LRIG3: variants seen among roughly 807,000 people sequenced by gnomAD.
LRIG3 encodes the protein leucine rich repeats and immunoglobulin like domains 3.
Under a neutral mutation model 114.5 loss-of-function variants are expected in LRIG3, and 76 were observed. That is an observed-to-expected ratio of 0.66 (90% confidence interval 0.55 to 0.80). The LOEUF (loss-of-function observed/expected upper bound fraction) is 0.80, where lower values mean the gene tolerates loss of function less well. Ranked by LOEUF, LRIG3 falls within the 30% of genes least tolerant of loss-of-function variation. The probability of loss-of-function intolerance (pLI) is 0.00; values close to 1 mark genes in which losing one functional copy is unlikely to be tolerated. For synonymous variants in LRIG3, 512 were observed against 519.8 expected (o/e 0.98, Z 0.20); for missense variants, 1,239 against 1,382.8 (o/e 0.90, Z 1.65).
Position 58,888,415 on chromosome 12 carries a change from C to T in LRIG3, c.861G>A (p.Leu287=), listed in dbSNP as rs1565617022. Residue 287 remains leucine (L), a synonymous_variant, in exon 7 of 19, where the codon CTG becomes CTA. Transcript: ENST00000320743. ...EITKGWLYGL[L]MLQELHLSQN... ...GGCTGAGATGAAGTTCCTGCAGCAT[C>T]AGCAAGCCGTAAAGCCAGCCTTTGG... is the stretch of plus-strand genomic sequence containing the variant. The T allele has an allele frequency of 6.2e-7, 1 of 1,613,724 alleles. No homozygotes were observed. The highest frequency in any genetic ancestry group is 8.5e-7 in the Non-Finnish European group (1 of 1,179,850).
At position 58,902,860 on chromosome 12, in the gene LRIG3, A is replaced by G. The variant is rs190806594; in HGVS notation, c.383+11122T>C. Among the ~76,000 whole-genome samples, 36 of 152,002 alleles carry G rather than the reference A, an allele frequency of 2.4e-4. No homozygotes were observed. In the East Asian group the frequency reaches 3.9e-3, roughly 16 times the overall value. On this transcript the variant is annotated intron_variant, in intron 3 of 18. Coordinates refer to ENST00000320743, the MANE Select transcript of LRIG3 (RefSeq NM_153377.5). The stretch of plus-strand genomic sequence containing the variant: ...TTGTGATAGTTTACTGAGAATGATG[A>G]TTTCCAATTTCATCCATGTCCCTAC...
At chr12:58,899,316 A>G (rs922208742) in intron 3 of LRIG3, among the ~76,000 whole-genome samples, 2 of 152,184 alleles carry the variant, frequency 1.3e-5, no homozygotes, top group Non-Finnish European at 2.9e-5. Context: ...TGTATCTTTC[A>G]TAGTTTTCTC....
chr12:58,882,944 T>G lies in LRIG3; in HGVS notation c.1405A>C (p.Asn469His). The G allele has an allele frequency of 6.2e-7, 1 of 1,614,158 alleles. No individual in the cohort carries two copies. The highest frequency in any genetic ancestry group is 8.5e-7 in the Non-Finnish European group (1 of 1,180,010). The change falls in exon 12 of 19, where the codon AAT becomes CAT. Residue 469 changes from asparagine to histidine, a missense_variant. By Grantham distance (68) the Asn-to-His change is moderately conservative. Transcript: ENST00000320743. ...AGCTGAGGATGGGCACAACTGGCAT[T>G]TACAAAGCTCTGAAAGTTGTTTTCC... The part of the protein sequence containing the change: ...VAENNFQSFV[N>H]ASCAHPQLLK...
At chr12:58,919,922 AC>A in intron 1 of LRIG3, 77 bp downstream of exon 1, 1 of 1,370,310 alleles carries the variant, frequency 7.3e-7, no homozygotes, top group Non-Finnish European at 1.0e-6. Context: ...TGCACGCCGA[AC>A]CCCATTCCCC....
At position 58,877,448 on chromosome 12, in the gene LRIG3, T is replaced by C. The variant is rs754245013; in HGVS notation, c.2488A>G (p.Ile830Val). The C allele has an allele frequency of 6.2e-7, 1 of 1,614,038 alleles. No homozygotes were observed. The highest frequency in any genetic ancestry group is 1.3e-5 in the African/African-American group (1 of 74,920). Residue 830 changes from isoleucine to valine, a missense_variant, in exon 15 of 19, where the codon ATA becomes GTA. Coordinates refer to ENST00000320743, the MANE Select transcript of LRIG3 (RefSeq NM_153377.5). ...VGTSLVWVVI[I>V]YHTRRRNEDC... is the part of the protein sequence containing the mutation. ...TCATTCCTCCGCCTTGTGTGGTATATGATGACCACCCACACGAGTGACGTG... is the reference window on the plus strand; with the variant it reads ...TCATTCCTCCGCCTTGTGTGGTATACGATGACCACCCACACGAGTGACGTG...
At chr12:58,885,167 G>C (rs1871236240) in intron 10 of LRIG3, among the ~76,000 whole-genome samples, 1 of 152,148 alleles carries the variant, frequency 6.6e-6, no homozygotes, top group Non-Finnish European at 1.5e-5. Context: ...GTTGCGTCCT[G>C]CTTCTGACAG....
chr12:58,902,031 G>C (rs1871870956), intron 3 of LRIG3, among the ~76,000 whole-genome samples: 1 of 152,188 alleles, frequency 6.6e-6, no homozygotes, highest in South Asian at 2.1e-4. Flanking sequence ...ATAGCAAGCT[G>C]TTCCTAACTC....
At chr12:58,889,246 A>T (rs1871372862) in intron 5 of LRIG3, among the ~76,000 whole-genome samples, 1 of 152,202 alleles carries the variant, frequency 6.6e-6, no homozygotes, top group Non-Finnish European at 1.5e-5. Flanking sequence ...ACAAATTAAG[A>T]TTTGTTTTTA....
At chr12:58,879,822 G>C (rs1278806254) in intron 13 of LRIG3, among the ~76,000 whole-genome samples, 1 of 152,206 alleles carries the variant, frequency 6.6e-6, no homozygotes, top group Non-Finnish European at 1.5e-5. Context: ...CTAGGGGGCA[G>C]GTCCTATTAT....
intron 3 of LRIG3, among the ~76,000 whole-genome samples, chr12:58,905,141 T>C (rs563805074): frequency 1.9e-4 from 29 of 152,252 alleles, no homozygotes; most frequent in African/African-American, 6.3e-4. Flanking sequence ...ATGCAGAGCA[T>C]TGTACGTCTT....
intron 3 of LRIG3, among the ~76,000 whole-genome samples, chr12:58,891,851 T>C (rs1300949958): frequency 2.6e-5 from 4 of 152,180 alleles, no homozygotes; most frequent in Admixed American, 1.3e-4. Context: ...CATGAGGCTC[T>C]TTAAATTTAA....
chr12:58,874,615 T>C, intron 16 of LRIG3, 42 bp from the exon 17 acceptor site: 11 of 1,609,734 alleles, frequency 6.8e-6, no homozygotes, highest in Non-Finnish European at 9.3e-6. Flanking sequence ...ATTATTCAAG[T>C]GCCATTCAAC....
At position 58,880,510 on chromosome 12, in the gene LRIG3, G is replaced by C. The variant is rs1180556389; in HGVS notation, c.1801+71C>G. 1.2e-5 allele frequency: 18 copies of C among 1,453,364 alleles called. No individual in the cohort carries two copies. The South Asian group carries it at 2.0e-4, about 16-fold the overall frequency. 90.0% of individuals were successfully genotyped at this position (1,453,364 alleles called of 1,614,324 possible). ...GAAGAAAAGACAGGGTTAAGATTAA[G>C]AGAGAAAAACAGGTGCTTTCTATTT... On this transcript the variant is annotated intron_variant, in intron 13 of 18. Coordinates refer to ENST00000320743, the MANE Select transcript of LRIG3 (RefSeq NM_153377.5).
intron 3 of LRIG3, among the ~76,000 whole-genome samples, chr12:58,891,684 CAATG>C (rs542443957): frequency 4.6e-5 from 7 of 152,102 alleles, no homozygotes; most frequent in Non-Finnish European, 5.9e-5. Flanking sequence ...TCTTCAACAC[CAATG>C]AATATGCTCC....
chr12:58,873,770 T>G, intron 18 of LRIG3: 1 of 463,778 alleles, frequency 2.2e-6, no homozygotes, highest in Non-Finnish European at 3.8e-6. Context: ...GCTGACAAGC[T>G]GAGCTCCTAA....
chr12:58,902,379 A>C (rs1044007723), intron 3 of LRIG3, among the ~76,000 whole-genome samples: 7 of 152,062 alleles, frequency 4.6e-5, no homozygotes, highest in African/African-American at 1.7e-4. Flanking sequence ...AATGTCTACT[A>C]TGTTTATCCT....
chr12:58,874,702 A>G, intron 16 of LRIG3, 129 bp from the exon 17 acceptor site: 3 of 1,171,122 alleles, frequency 2.6e-6, no homozygotes, highest in Non-Finnish European at 3.6e-6. Context: ...AAAAAATTGC[A>G]AAAATTTACA....
rs569307857 is a variant in LRIG3 at position 58,916,149 on chromosome 12, C to T, written c.237-1813G>A. 4.6e-5 allele frequency among the ~76,000 whole-genome samples: 7 copies of T among 150,918 alleles called. No homozygotes were observed. The South Asian group carries it at 8.4e-4, about 18-fold the overall frequency. ...GGGCAATCCTGTGAGAGAAATGAGA[C>T]GGAGTGCTTAACTTTTTTCAACTAG... On this transcript the variant is annotated intron_variant, in intron 1 of 18. Coordinates refer to ENST00000320743, the MANE Select transcript of LRIG3 (RefSeq NM_153377.5).
chr12:58,892,057 A>T (rs1172835596), intron 3 of LRIG3, among the ~76,000 whole-genome samples: 1 of 152,142 alleles, frequency 6.6e-6, no homozygotes, highest in Non-Finnish European at 1.5e-5. Context: ...AAAAAAAAGA[A>T]GTCATTTCAA....
Sources: allele counts gnomAD v4.1 joint callset (sites outside exome capture counted in the v4.1 genomes callset), GRCh38; gene constraint gnomAD v4.1.1; transcripts MANE v1.5; gene names NCBI Gene and HGNC (gene_info 2026-07-23, HGNC 2026-07-21).